The following CSMD2 variants were observed in gnomAD, a reference collection of about 807,000 sequenced individuals.
The protein encoded by CSMD2 is CUB and Sushi multiple domains 2, also known as CUB and sushi domain-containing protein 2.
In CSMD2, 130 loss-of-function variants were observed where a neutral mutation model predicts 398.5. The ratio of observed to expected loss-of-function variants is 0.33; its 90% CI spans 0.28 to 0.38. CSMD2 has a LOEUF of 0.38. Among genes scored for constraint, CSMD2 ranks in the 10% least tolerant of loss-of-function variants. The pLI is 1.00. For missense variants in CSMD2, 3,829 were observed against 4,764.9 expected (o/e 0.80, Z 5.78); for synonymous variants, 1,828 against 1,908.5 (o/e 0.96, Z 1.10).
intron 1 of CSMD2, among the ~76,000 whole-genome samples, chr1:34,162,837 C>G (rs1199020968): frequency 6.6e-6 from 1 of 151,694 alleles, no homozygotes; most frequent in East Asian, 1.9e-4. Flanking sequence ...CCAGCCTGGG[C>G]GAGAAGAGCA....
intron 2 of CSMD2, among the ~76,000 whole-genome samples, chr1:34,040,586 G>A (rs959360596): frequency 1.3e-4 from 20 of 152,172 alleles, no homozygotes; most frequent in African/African-American, 3.1e-4. Context: ...TGAATGAATG[G>A]CCAACTATTT....
intron 6 of CSMD2, among the ~76,000 whole-genome samples, chr1:33,830,073 G>A (rs1375291240): frequency 3.3e-5 from 5 of 152,214 alleles, no homozygotes; most frequent in African/African-American, 1.2e-4. Context: ...CTCCACCTCT[G>A]GGGGCAGGGC....
At chr1:34,056,240 T>C (rs1393639760) in intron 2 of CSMD2, among the ~76,000 whole-genome samples, 3 of 152,194 alleles carry the variant, frequency 2.0e-5, no homozygotes, top group African/African-American at 7.2e-5. Flanking sequence ...ACACCTTCCC[T>C]GATTCCTGGT....
intron 2 of CSMD2, among the ~76,000 whole-genome samples, chr1:34,066,539 G>C (rs954853726): frequency 6.6e-6 from 1 of 152,180 alleles, no homozygotes; most frequent in African/African-American, 2.4e-5. Context: ...CATGAAGCTC[G>C]AGCTGCAAGT....
intron 2 of CSMD2, among the ~76,000 whole-genome samples, chr1:34,070,190 G>A (rs6679844): frequency 0.28 from 42,029 of 152,178 alleles, 6,233 homozygotes; most frequent in African/African-American, 0.34. Flanking sequence ...TTACACTGGA[G>A]GAAGAGTGCA....
At chr1:33,600,674 C>T in intron 44 of CSMD2, 191 bp downstream of exon 44, 3 of 622,112 alleles carry the variant, frequency 4.8e-6, no homozygotes, top group South Asian at 2.1e-5. Flanking sequence ...CTTGCATTTA[C>T]AGAACCCTGC....
At chr1:33,896,396 T>A (rs1184005813) in intron 5 of CSMD2, among the ~76,000 whole-genome samples, 2 of 152,140 alleles carry the variant, frequency 1.3e-5, no homozygotes, top group African/African-American at 4.8e-5. Context: ...CTTGAGGACA[T>A]CACCTGGTGA....
Position 33,743,313 on chromosome 1 carries a change from TGGAG to T in CSMD2, c.2136_2139del (p.His712GlnfsTer26). The T allele has an allele frequency of 6.2e-7, 1 of 1,612,890 alleles. No individual in the cohort carries two copies. Among genetic ancestry groups the T allele is most frequent in the Non-Finnish European group, 8.5e-7 (1 of 1,179,322 alleles). On this transcript the variant is annotated frameshift_variant, in exon 14 of 71. Transcript: ENST00000373381. LOFTEE classifies it high-confidence loss of function. ...GTGATGTTGAAGCCCCTCTTCCCTG[TGGAG>T]TGGTCAGTCTGGAACTCGAGACGGG...
chr1:33,733,365 T>A (rs1310004421), intron 15 of CSMD2, among the ~76,000 whole-genome samples: 2 of 152,214 alleles, frequency 1.3e-5, no homozygotes, highest in Admixed American at 6.5e-5. Context: ...AGGTTAAAAG[T>A]GATGATTCTG....
intron 15 of CSMD2, among the ~76,000 whole-genome samples, chr1:33,735,732 A>T (rs1227381475): frequency 6.6e-6 from 1 of 152,210 alleles, no homozygotes; most frequent in Non-Finnish European, 1.5e-5. Context: ...GCCTCTCAAA[A>T]GCTAAGTGGC....
At chr1:33,658,960 A>T (rs1434193538) in intron 26 of CSMD2, among the ~76,000 whole-genome samples, 1 of 152,220 alleles carries the variant, frequency 6.6e-6, no homozygotes, top group African/African-American at 2.4e-5. Flanking sequence ...AGTGGTTGTG[A>T]GGTTACCGGG....
At chr1:33,710,672 C>T (rs1271373570) in intron 21 of CSMD2, among the ~76,000 whole-genome samples, 3 of 152,164 alleles carry the variant, frequency 2.0e-5, no homozygotes, top group Non-Finnish European at 4.4e-5. Flanking sequence ...GACCAAAGGG[C>T]CATTGCTTGG....
At chr1:33,800,654 G>C (rs1424259495) in intron 10 of CSMD2, among the ~76,000 whole-genome samples, 1 of 152,178 alleles carries the variant, frequency 6.6e-6, no homozygotes, top group Non-Finnish European at 1.5e-5. Context: ...GCTCAAACCA[G>C]GGAAGCATGG....
rs138586362 is a variant in CSMD2, at chr1:33,963,406, T to C, written c.518-27452A>G. ...TTATAATTGGCATATATTTAAAGTGTACACACTTTATTTTAACAACAAATA... is the reference window on the plus strand; with the variant it reads ...TTATAATTGGCATATATTTAAAGTGCACACACTTTATTTTAACAACAAATA... On this transcript the variant is annotated intron_variant, in intron 3 of 70. Coordinates refer to ENST00000373381, the MANE Select transcript of CSMD2 (RefSeq NM_001281956.2). 1.0e-3 allele frequency among the ~76,000 whole-genome samples: 154 copies of C among 152,374 alleles called. 2 individuals are homozygous for C. The highest frequency in any genetic ancestry group is 3.6e-3 in the African/African-American group (148 of 41,596).
chr1:33,672,833 C>T (rs1422608641), intron 25 of CSMD2, among the ~76,000 whole-genome samples: 1 of 152,246 alleles, frequency 6.6e-6, no homozygotes, highest in Non-Finnish European at 1.5e-5. Flanking sequence ...GCCACCGCTG[C>T]TGATACCCAG....
intron 5 of CSMD2, among the ~76,000 whole-genome samples, chr1:33,860,188 A>T (rs1204918074): frequency 2.0e-5 from 3 of 152,170 alleles, no homozygotes; most frequent in African/African-American, 4.8e-5. Flanking sequence ...TCAGTCTAGC[A>T]TCTCTCATTG....
chr1:33,896,740 G>A (rs1424774313), intron 5 of CSMD2, among the ~76,000 whole-genome samples: 1 of 152,140 alleles, frequency 6.6e-6, no homozygotes, highest in African/African-American at 2.4e-5. Flanking sequence ...TCTACTGACT[G>A]GGAGGAGGCA....
At chr1:33,978,398 G>A (rs888991174) in intron 3 of CSMD2, among the ~76,000 whole-genome samples, 2 of 152,140 alleles carry the variant, frequency 1.3e-5, no homozygotes, top group Non-Finnish European at 2.9e-5. Context: ...GGGATTCGGT[G>A]CTGAGCATGA....
At chr1:33,823,594 T>C (rs1658428391) in intron 7 of CSMD2, among the ~76,000 whole-genome samples, 1 of 151,798 alleles carries the variant, frequency 6.6e-6, no homozygotes, top group Admixed American at 6.5e-5. Flanking sequence ...GAGTCACAGG[T>C]GGGTGGGTGG....
Sources: gnomAD v4.1 joint callset for allele counts (sites outside exome capture counted in the v4.1 genomes callset) on GRCh38, gnomAD v4.1.1 for gene constraint, MANE v1.5 for transcripts, NCBI Gene and HGNC (gene_info 2026-07-23, HGNC 2026-07-21) for gene names.